Variants in MALRD1 observed in about 807,000 individuals in gnomAD.
MALRD1 encodes the protein MAM and LDL receptor class A domain containing 1.
MALRD1 carries 247 observed loss-of-function variants against 242.1 expected under a neutral mutation model. That is an observed-to-expected ratio of 1.02 (90% CI 0.92 to 1.13). The LOEUF is 1.13. Ranked by LOEUF, MALRD1 falls within the 50% of genes most tolerant of loss-of-function variation. MALRD1 has a pLI of 0.00. For synonymous variants in MALRD1, 995 were observed against 866.6 expected (o/e 1.15, Z -2.60); for missense variants, 2,989 against 2,533.1 (o/e 1.18, Z -3.86).
intron 34 of MALRD1, among the ~76,000 whole-genome samples, chr10:19,596,258 A>C (rs909124153): frequency 6.6e-6 from 1 of 152,168 alleles, no homozygotes; most frequent in South Asian, 2.1e-4. Context: ...AAACACCCCT[A>C]ACATTTTATT....
intron 29 of MALRD1, among the ~76,000 whole-genome samples, chr10:19,482,709 A>G (rs1355167680): frequency 6.6e-6 from 1 of 151,352 alleles, no homozygotes; most frequent in Non-Finnish European, 1.5e-5. Context: ...AAAGCAAAAA[A>G]TACTTAGGAA....
intron 32 of MALRD1, among the ~76,000 whole-genome samples, chr10:19,535,194 T>A (rs887000336): frequency 9.2e-5 from 14 of 152,128 alleles, no homozygotes; most frequent in Admixed American, 3.3e-4. Flanking sequence ...AAAGTTTTTT[T>A]TTATCTCAAT....
At chr10:19,530,462 A>ATGT (rs1376150750) in intron 31 of MALRD1, among the ~76,000 whole-genome samples, 9 of 89,382 alleles carry the variant, frequency 1.0e-4, no homozygotes, top group Admixed American at 5.9e-4. Context: ...AATATATAAT[A>ATGT]ATAAATAATT....
In MALRD1 at chr10:19,331,500, T is replaced by C. The variant is rs1187946352; in HGVS notation, c.3819T>C (p.Asn1273=). 27 of 1,550,300 alleles carry C rather than the reference T, an allele frequency of 1.7e-5. 1 individual carries two copies. In the East Asian group the frequency reaches 6.4e-4, roughly 37 times the overall value. The change falls in exon 24 of 40, where the codon AAT becomes AAC. Residue 1273 remains asparagine, a synonymous_variant. Transcript: ENST00000454679. ...KCTDHEFMCA[N]KHCIAKDKLC... is the part of the protein sequence containing the mutation. ...CTGATCATGAATTCATGTGTGCTAA[T>C]AAGCACTGCATTGCCAAAGACAAGC...
At chr10:19,308,812 C>T (rs538272982) in intron 21 of MALRD1, among the ~76,000 whole-genome samples, 7 of 151,438 alleles carry the variant, frequency 4.6e-5, no homozygotes, top group Non-Finnish European at 8.9e-5. Flanking sequence ...AAAGAGCTTG[C>T]CTAATGTAAA....
intron 32 of MALRD1, among the ~76,000 whole-genome samples, chr10:19,533,194 C>A (rs1250739714): frequency 6.6e-6 from 1 of 152,174 alleles, no homozygotes; most frequent in Non-Finnish European, 1.5e-5. Context: ...CCTTAGTTAC[C>A]CAGTTAAGTG....
chr10:19,693,130 C>T (rs1833185637), intron 38 of MALRD1, among the ~76,000 whole-genome samples: 1 of 151,848 alleles, frequency 6.6e-6, no homozygotes, highest in South Asian at 2.1e-4. Flanking sequence ...ACTGAATGGG[C>T]AAAAGCTGGA....
At position 19,408,651 on chromosome 10, in the gene MALRD1, A is replaced by C. The variant is rs542979352; in HGVS notation, c.4845+19042A>C. 4.6e-5 allele frequency among the ~76,000 whole-genome samples: 7 copies of C among 152,362 alleles called. No individual in the cohort carries two copies. In the East Asian group the frequency reaches 9.6e-4, roughly 21 times the overall value. ...TCACTGAAAAGAATATACAGTTGGC[A>C]AAACAAAAACATGAAAAGGTTTTCA... On this transcript the variant is annotated intron_variant, in intron 28 of 39. Transcript: ENST00000454679.
At chr10:19,524,599 T>C (rs1298697547) in intron 31 of MALRD1, among the ~76,000 whole-genome samples, 3 of 152,144 alleles carry the variant, frequency 2.0e-5, no homozygotes, top group South Asian at 2.1e-4. Flanking sequence ...GCAGAAATTA[T>C]GGAGGATGCA....
At chr10:19,717,193 T>C (rs1448501076) in intron 38 of MALRD1, among the ~76,000 whole-genome samples, 1 of 152,210 alleles carries the variant, frequency 6.6e-6, no homozygotes, top group African/African-American at 2.4e-5. Context: ...GATGAAAAAG[T>C]GGCTCATTTA....
At chr10:19,172,512 G>T (rs765728991) in intron 13 of MALRD1, among the ~76,000 whole-genome samples, 1 of 151,420 alleles carries the variant, frequency 6.6e-6, no homozygotes, top group Non-Finnish European at 1.5e-5. Context: ...ATATCTAAAG[G>T]AACCTGGTGG....
intron 28 of MALRD1, among the ~76,000 whole-genome samples, chr10:19,430,111 C>CCTTTTTT (rs1285347677): frequency 6.0e-4 from 50 of 83,526 alleles, no homozygotes; most frequent in African/African-American, 2.3e-3. Context: ...CTCCATTTTC[C>CCTTTTTT]TTTTTTTTTT....
At chr10:19,478,880 GGT>G (rs1836861102) in intron 29 of MALRD1, among the ~76,000 whole-genome samples, 1 of 152,250 alleles carries the variant, frequency 6.6e-6, no homozygotes, top group South Asian at 2.1e-4. Flanking sequence ...GATTTTCAAT[GGT>G]TGAGAGCCTT....
chr10:19,657,890 G>C (rs1841238650), intron 36 of MALRD1, among the ~76,000 whole-genome samples: 1 of 152,146 alleles, frequency 6.6e-6, no homozygotes, highest in Admixed American at 6.6e-5. Flanking sequence ...GCTCATGCCT[G>C]TAATCCCAGC....
At chr10:19,384,412 TAATATA>T (rs1845977581) in intron 26 of MALRD1, among the ~76,000 whole-genome samples, 1 of 70,514 alleles carries the variant, frequency 1.4e-5, no homozygotes, top group Non-Finnish European at 2.7e-5. Flanking sequence ...ATAGTATATA[TAATATA>T]ATATTTACCA....
intron 18 of MALRD1, among the ~76,000 whole-genome samples, chr10:19,239,629 T>C (rs1227582441): frequency 1.3e-5 from 2 of 152,198 alleles, no homozygotes; most frequent in Admixed American, 6.6e-5. Flanking sequence ...TTCGTAGTTT[T>C]CAATCTTACC....
chr10:19,209,110 T>A (rs957443959), intron 17 of MALRD1, among the ~76,000 whole-genome samples, 158 bp from the exon 18 acceptor site: 16 of 152,072 alleles, frequency 1.1e-4, no homozygotes, highest in South Asian at 4.2e-4. Flanking sequence ...ACTCTTTTTT[T>A]AAAAAAAACA....
intron 14 of MALRD1, among the ~76,000 whole-genome samples, chr10:19,194,533 GCTGTCTGGACAC>G (rs1836145771): frequency 6.6e-6 from 1 of 151,988 alleles, no homozygotes; most frequent in African/African-American, 2.4e-5. Flanking sequence ...CCATACACGA[GCTGTCTGGACAC>G]TTCTATACTT....
intron 36 of MALRD1, among the ~76,000 whole-genome samples, chr10:19,633,307 C>T (rs190896511): frequency 6.6e-6 from 1 of 152,260 alleles, no homozygotes; most frequent in East Asian, 1.9e-4. Flanking sequence ...TTTCACGCCC[C>T]CTCATTGGAG....
Sources: gnomAD v4.1 joint callset for allele counts (sites outside exome capture counted in the v4.1 genomes callset) on GRCh38, gnomAD v4.1.1 for gene constraint, MANE v1.5 for transcripts, NCBI Gene and HGNC (gene_info 2026-07-23, HGNC 2026-07-21) for gene names.